Variants in DLC1 observed in about 807,000 individuals in gnomAD.
DLC1 encodes the protein rho GTPase-activating protein 7.
A neutral mutation model predicts 140.3 loss-of-function variants in DLC1; 54 were observed. The observed-to-expected ratio is 0.38, with a 90% CI of 0.31 to 0.48. The LOEUF (loss-of-function observed/expected upper bound fraction) is 0.48. Ranked by LOEUF, DLC1 falls within the 20% of genes least tolerant of loss-of-function variation. The pLI, the probability that DLC1 is intolerant of heterozygous loss-of-function variation, is 0.96. For synonymous variants in DLC1, 986 were observed against 728.1 expected (o/e 1.35, Z -5.70); for missense variants, 2,536 against 1,907.0 (o/e 1.33, Z -6.14).
intron 5 of DLC1, among the ~76,000 whole-genome samples, chr8:13,218,589 C>G (rs1828325446): frequency 6.6e-6 from 1 of 151,572 alleles, no homozygotes; most frequent in South Asian, 2.1e-4. Flanking sequence ...TTCACACACA[C>G]TAGGACAGCT....
At chr8:13,229,410 T>A (rs1056066851) in intron 5 of DLC1, among the ~76,000 whole-genome samples, 10 of 152,058 alleles carry the variant, frequency 6.6e-5, no homozygotes, top group African/African-American at 1.7e-4. Context: ...GAAAGAAGAT[T>A]AGTGGGTGCT....
At chr8:13,288,722 C>T (rs776302692) in intron 5 of DLC1, among the ~76,000 whole-genome samples, 27 of 152,174 alleles carry the variant, frequency 1.8e-4, no homozygotes, top group Admixed American at 1.1e-3. Flanking sequence ...CCCCTATCAA[C>T]GTCACTAGTT....
intron 5 of DLC1, among the ~76,000 whole-genome samples, chr8:13,119,304 T>A (rs1186534034): frequency 6.6e-6 from 1 of 151,886 alleles, no homozygotes; most frequent in South Asian, 2.1e-4. Context: ...TCCAACCTAA[T>A]TGTTCAGCTC....
intron 13 of DLC1, among the ~76,000 whole-genome samples, chr8:13,092,236 C>G (rs148914441): frequency 3.3e-5 from 5 of 152,316 alleles, no homozygotes; most frequent in African/African-American, 9.6e-5. Flanking sequence ...CAGAGCAAGA[C>G]TCTGTCTCAA....
At chr8:13,274,956 C>T (rs376105039) in intron 5 of DLC1, among the ~76,000 whole-genome samples, 1 of 152,108 alleles carries the variant, frequency 6.6e-6, no homozygotes, top group African/African-American at 2.4e-5. Context: ...TGGTTAATTG[C>T]AAATGAGATC....
At chr8:13,404,536 T>C (rs1479154239) in intron 2 of DLC1, among the ~76,000 whole-genome samples, 2 of 152,170 alleles carry the variant, frequency 1.3e-5, no homozygotes, top group Non-Finnish European at 2.9e-5. Context: ...GTCAACATAA[T>C]AACATACTAA....
intron 2 of DLC1, among the ~76,000 whole-genome samples, chr8:13,434,143 C>G (rs571752392): frequency 6.6e-6 from 1 of 152,334 alleles, no homozygotes; most frequent in Admixed American, 6.5e-5. Context: ...TCCCAAAGTA[C>G]TGGGATTACA....
At chr8:13,593,278 G>A (rs1805579733) in intron 1 of DLC1, among the ~76,000 whole-genome samples, 1 of 152,074 alleles carries the variant, frequency 6.6e-6, no homozygotes, top group Non-Finnish European at 1.5e-5. Flanking sequence ...AAGTATCAGA[G>A]AAATTAACTG....
At chr8:13,186,939 G>A (rs1246061024) in intron 5 of DLC1, among the ~76,000 whole-genome samples, 2 of 152,140 alleles carry the variant, frequency 1.3e-5, no homozygotes, top group African/African-American at 4.8e-5. Context: ...GAGTTTGCTG[G>A]AGTTCCACTC....
At chr8:13,464,222 G>T (rs551748271) in intron 2 of DLC1, among the ~76,000 whole-genome samples, 56 of 152,202 alleles carry the variant, frequency 3.7e-4, no homozygotes, top group African/African-American at 1.3e-3. Context: ...GGTGAAGAAG[G>T]CCAAGTGCCC....
intron 2 of DLC1, among the ~76,000 whole-genome samples, chr8:13,418,191 T>C (rs1396896692): frequency 6.6e-6 from 1 of 152,170 alleles, no homozygotes; most frequent in Non-Finnish European, 1.5e-5. Context: ...GGTAGTTTCT[T>C]TTGCTGTGCA....
intron 4 of DLC1, among the ~76,000 whole-genome samples, chr8:13,330,747 T>G (rs1833550713): frequency 6.6e-6 from 1 of 152,216 alleles, no homozygotes; most frequent in Non-Finnish European, 1.5e-5. Flanking sequence ...CTTTCCTCAC[T>G]ACCTTCCTTT....
intron 5 of DLC1, among the ~76,000 whole-genome samples, chr8:13,119,761 G>A (rs907547920): frequency 9.9e-5 from 15 of 151,902 alleles, no homozygotes; most frequent in Admixed American, 5.3e-4. Context: ...AGACCACTCT[G>A]GGCAATAATT....
At chr8:13,209,879 A>T in intron 5 of DLC1, among the ~76,000 whole-genome samples, 1 of 150,674 alleles carries the variant, frequency 6.6e-6, no homozygotes, top group Non-Finnish European at 1.5e-5. Flanking sequence ...AGCCAATTAA[A>T]CCTCTTTTTT....
intron 1 of DLC1, among the ~76,000 whole-genome samples, chr8:13,587,000 C>T (rs969863970): frequency 1.3e-5 from 2 of 151,556 alleles, no homozygotes; most frequent in Non-Finnish European, 2.9e-5. Flanking sequence ...TTATGCAATA[C>T]ATGTCTAGTA....
At chr8:13,212,591 T>A (rs1447382908) in intron 5 of DLC1, among the ~76,000 whole-genome samples, 1 of 152,120 alleles carries the variant, frequency 6.6e-6, no homozygotes, top group Admixed American at 6.6e-5. Flanking sequence ...ATGTTAACTA[T>A]GATGTGATAG....
At chr8:13,331,677 TA>T (rs879257295) in intron 4 of DLC1, among the ~76,000 whole-genome samples, 72 of 144,636 alleles carry the variant, frequency 5.0e-4, no homozygotes, top group East Asian at 1.0e-3. Flanking sequence ...AACCAAAAAA[TA>T]AAAAAAAAAA....
At chr8:13,173,395 C>T (rs1238304191) in intron 5 of DLC1, among the ~76,000 whole-genome samples, 39 of 99,092 alleles carry the variant, frequency 3.9e-4, no homozygotes, top group Admixed American at 1.4e-3. Context: ...TTTTTTGAGA[C>T]GGAGTCTTGC....
intron 4 of DLC1, among the ~76,000 whole-genome samples, chr8:13,311,110 A>G (rs748167022): frequency 6.6e-6 from 1 of 152,192 alleles, no homozygotes; most frequent in African/African-American, 2.4e-5. Context: ...TTGCCCCAGT[A>G]TCAGCTGATA....
Sources: gnomAD v4.1 joint callset for allele counts (sites outside exome capture counted in the v4.1 genomes callset) on GRCh38, gnomAD v4.1.1 for gene constraint, MANE v1.5 for transcripts, NCBI Gene and HGNC (gene_info 2026-07-23, HGNC 2026-07-21) for gene names.